ZNF441: variants seen among roughly 807,000 people sequenced by gnomAD.
The protein encoded by ZNF441 is zinc finger protein 441.
Under a neutral mutation model 64.5 loss-of-function variants are expected in ZNF441, and 25 were observed. That is an observed-to-expected ratio of 0.39 (90% CI 0.28 to 0.54). ZNF441 has a LOEUF of 0.54. Among genes scored for constraint, ZNF441 ranks in the 20% least tolerant of loss-of-function variants. The pLI, the probability that ZNF441 is intolerant of heterozygous loss-of-function variation, is 0.70. For missense variants in ZNF441, 715 were observed against 843.3 expected, an observed-to-expected ratio of 0.85 and a Z score of 1.88; for synonymous variants, 262 against 268.0, an observed-to-expected ratio of 0.98 and a Z score of 0.22.
chr19:11,779,288 C>T (rs951726384), intron 3 of ZNF441, among the ~76,000 whole-genome samples: 11 of 146,658 alleles, frequency 7.5e-5, no homozygotes, highest in African/African-American at 1.8e-4. Context: ...TACTATACTC[C>T]AGCCTGGGCA....
intron 3 of ZNF441, 44 bp downstream of exon 3, chr19:11,778,437 C>G: frequency 7.4e-7 from 1 of 1,358,742 alleles, no homozygotes; most frequent in East Asian, 2.5e-5. Context: ...TGAAGTGATT[C>G]ATAGTATGCC....
At chr19:11,772,158 G>A (rs1297123732) in intron 1 of ZNF441, among the ~76,000 whole-genome samples, 3 of 151,570 alleles carry the variant, frequency 2.0e-5, no homozygotes, top group Admixed American at 1.3e-4. Context: ...TGTGACCCAC[G>A]TGACCTTACC....
At position 11,773,082 on chromosome 19, in the gene ZNF441, C is replaced by T. The variant is rs115616625; in HGVS notation, c.4-4529C>T. Among the ~76,000 whole-genome samples the T allele has an allele frequency of 6.5e-3, 983 of 152,258 alleles. 1 individual carries two copies. The highest frequency in any genetic ancestry group is 0.017 in the Middle Eastern group (5 of 294). On this transcript the variant is annotated intron_variant, in intron 1 of 3. Coordinates refer to ENST00000357901, the MANE Select transcript of ZNF441 (RefSeq NM_152355.3). ...CTGGGATTACAGGTGTGAGCCACTG[C>T]GCCCGGCCTGCTTTCAATTCTTTAC...
Position 11,780,009 on chromosome 19 carries a change from T to G in ZNF441, c.195-10T>G, listed in dbSNP as rs767248559. The G allele has an allele frequency of 3.8e-5, 60 of 1,584,094 alleles. No homozygotes were observed. The highest frequency in any genetic ancestry group is 5.4e-5 in the African/African-American group (4 of 73,590). On this transcript the variant is annotated splice_polypyrimidine_tract_variant and intron_variant, in intron 3 of 3. Transcript: ENST00000357901. The stretch of plus-strand genomic sequence containing the variant: ...CAAACCTTTACTAATGTACTTCTTA[T>G]TTTTTACAGATGTCATATGGTAGAG...
chr19:11,772,755 C>A (rs1975324428), intron 1 of ZNF441, among the ~76,000 whole-genome samples: 1 of 152,096 alleles, frequency 6.6e-6, no homozygotes, highest in African/African-American at 2.4e-5. Context: ...TCCAGCCACT[C>A]AGGAGGCTGT....
At chr19:11,773,013 A>G (rs1453131646) in intron 1 of ZNF441, among the ~76,000 whole-genome samples, 1 of 152,116 alleles carries the variant, frequency 6.6e-6, no homozygotes, top group Non-Finnish European at 1.5e-5. Context: ...GGATAGTCTC[A>G]ATCTCCTGAC....
rs143098412 is a variant in ZNF441, at chr19:11,771,503, T to A, written c.3+4307T>A. 3.5e-3 allele frequency among the ~76,000 whole-genome samples: 528 copies of A among 152,332 alleles called. 20 individuals are homozygous for A. In the East Asian group the frequency reaches 0.084, roughly 24 times the overall value. ...CAAGAATAGTTATACCAGATATAGA[T>A]CTTAGATATGATTATATATGAATAT... On this transcript the variant is annotated intron_variant, in intron 1 of 3. Coordinates refer to ENST00000357901, the MANE Select transcript of ZNF441 (RefSeq NM_152355.3).
Position 11,780,424 on chromosome 19 carries a change from G to T in ZNF441, c.600G>T (p.Leu200Phe), listed in dbSNP as rs777240379. ...GAGATGGACCTCGTATATGTAAGTT[G>T]TGTGGAAACGCCTTTATTTGGCCTA... ...HHGDGPRICK[L>F]CGNAFIWPSL... The change falls in exon 4 of 4, where the codon TTG (leucine) becomes TTT (phenylalanine). Residue 200 changes from leucine (L) to phenylalanine (F), a missense_variant. By Grantham distance (22) the Leu-to-Phe change is conservative. Coordinates refer to ENST00000357901, the MANE Select transcript of ZNF441 (RefSeq NM_152355.3). The T allele has an allele frequency of 1.2e-6, 2 of 1,613,884 alleles. No individual in the cohort carries two copies. Among genetic ancestry groups the T allele is most frequent in the African/African-American group, 2.7e-5 (2 of 74,870 alleles).
At chr19:11,776,931 C>T (rs1312530145) in intron 1 of ZNF441, among the ~76,000 whole-genome samples, 2 of 152,132 alleles carry the variant, frequency 1.3e-5, no homozygotes, top group African/African-American at 4.8e-5. Flanking sequence ...GCCGCAGCCT[C>T]CTGAGTAGCT....
At position 11,783,730 on chromosome 19, in the gene ZNF441, A is replaced by T. The variant is rs1975422878; in HGVS notation, c.*1824A>T. ...GGAGGTGAAAAACTTCACCTCATGG[A>T]GATAGGGAATAGAATAAGTTATCCG... On this transcript the variant is annotated 3_prime_UTR_variant, in exon 4 of 4. Coordinates refer to ENST00000357901, the MANE Select transcript of ZNF441 (RefSeq NM_152355.3). The T allele has an allele frequency of 6.6e-6, 1 of 152,190 alleles. No individual in the cohort carries two copies. The highest frequency in any genetic ancestry group is 1.5e-5 in the Non-Finnish European group (1 of 68,016). 9.4% of individuals were successfully genotyped at this position (152,190 alleles called of 1,614,324 possible). A position where few individuals can be genotyped will look rare whatever the true frequency, so the allele number is the denominator to read the frequency against.
At chr19:11,773,095 T>A (rs941840931) in intron 1 of ZNF441, among the ~76,000 whole-genome samples, 7 of 152,144 alleles carry the variant, frequency 4.6e-5, no homozygotes, top group Non-Finnish European at 8.8e-5. Flanking sequence ...CCGGCCTGCT[T>A]TCAATTCTTT....
chr19:11,773,599 T>C (rs1975332613), intron 1 of ZNF441, among the ~76,000 whole-genome samples: 1 of 152,218 alleles, frequency 6.6e-6, no homozygotes, highest in African/African-American at 2.4e-5. Context: ...TCATGTGGTT[T>C]TATAAGTTTT....
At chr19:11,778,835 A>C (rs901729602) in intron 3 of ZNF441, among the ~76,000 whole-genome samples, 1 of 152,170 alleles carries the variant, frequency 6.6e-6, no homozygotes, top group Non-Finnish European at 1.5e-5. Flanking sequence ...TTCTTCAAAA[A>C]CATATACTTA....
rs528064051 is a variant in ZNF441, at chr19:11,782,580, G to A, written c.*674G>A. 5 of 152,294 alleles carry A rather than the reference G, an allele frequency of 3.3e-5. No homozygotes were observed. The highest frequency in any genetic ancestry group is 7.4e-5 in the Non-Finnish European group (5 of 68,010). The allele number at this position is 152,294 out of a possible 1,614,324, so 9.4% of individuals were successfully genotyped here. A position where few individuals can be genotyped will look rare whatever the true frequency, so the allele number is the denominator to read the frequency against. ...AACTGTCATTCATTGTCCTAAGTAC[G>A]TGTACATGTCAGCAACAATGTCAGG... On this transcript the variant is annotated 3_prime_UTR_variant, in exon 4 of 4. Transcript: ENST00000357901.
chr19:11,775,594 G>A (rs988917418), intron 1 of ZNF441, among the ~76,000 whole-genome samples: 1 of 146,286 alleles, frequency 6.8e-6, no homozygotes, highest in Non-Finnish European at 1.5e-5. Flanking sequence ...CTCCCAAAGT[G>A]CTGGGATTAC....
At chr19:11,778,462 ATT>A (rs1275826813) in intron 3 of ZNF441, 69 bp downstream of exon 3, 1 of 1,267,582 alleles carries the variant, frequency 7.9e-7, no homozygotes, top group African/African-American at 1.5e-5. Flanking sequence ...ATTTTATTTT[ATT>A]TTGTTTGTTT....
chr19:11,769,669 C>CT (rs56757833), intron 1 of ZNF441, among the ~76,000 whole-genome samples: 18 of 148,024 alleles, frequency 1.2e-4, no homozygotes, highest in Middle Eastern at 3.5e-3. Context: ...CTAAAGGACT[C>CT]TTTTTTTTTT....
intron 1 of ZNF441, among the ~76,000 whole-genome samples, chr19:11,768,408 T>C (rs1424004809): frequency 2.6e-5 from 4 of 152,220 alleles, no homozygotes; most frequent in Admixed American, 1.3e-4. Flanking sequence ...TGAATATTAA[T>C]AAATAAAATC....
At chr19:11,771,480 A>G (rs1035079568) in intron 1 of ZNF441, among the ~76,000 whole-genome samples, 4 of 152,256 alleles carry the variant, frequency 2.6e-5, no homozygotes, top group Admixed American at 6.5e-5. Context: ...ATATAAAACA[A>G]GAATAGTTAT....
Sources: gnomAD v4.1 joint callset for allele counts (sites outside exome capture counted in the v4.1 genomes callset) on GRCh38, gnomAD v4.1.1 for gene constraint, MANE v1.5 for transcripts, NCBI Gene and HGNC (gene_info 2026-07-23, HGNC 2026-07-21) for gene names.